The following TMEM131L variants were observed in gnomAD, a reference collection of about 807,000 sequenced individuals.
TMEM131L encodes the protein transmembrane 131 like.
TMEM131L carries 54 observed loss-of-function variants against 192.2 expected under a neutral mutation model. That is an observed-to-expected ratio of 0.28 (90% CI 0.23 to 0.35). The LOEUF (loss-of-function observed/expected upper bound fraction) is 0.35. Among genes scored for constraint, TMEM131L ranks in the 10% least tolerant of loss-of-function variants. TMEM131L has a pLI of 1.00. For missense variants in TMEM131L, 1,888 were observed against 1,972.9 expected (o/e 0.96, Z 0.82); for synonymous variants, 701 against 704.9 (o/e 0.99, Z 0.09).
chr4:153,509,365 CAA>C (rs35715077), intron 3 of TMEM131L, among the ~76,000 whole-genome samples: 38 of 136,008 alleles, frequency 2.8e-4, no homozygotes, highest in African/African-American at 5.2e-4. Context: ...GACCCTGTCT[CAA>C]AAAAAAAAAA....
Position 153,621,816 on chromosome 4 carries a change from G to A in TMEM131L, c.3826G>A (p.Ala1276Thr). The change falls in exon 28 of 35, where the codon GCA (alanine) becomes ACA (threonine). Residue 1276 changes from alanine (A) to threonine (T), a missense_variant. Ala to Thr is a moderately conservative substitution (Grantham distance 58). Transcript: ENST00000409959. ...REVCKADAEI[A>T]SSLPAAQREA... The stretch of plus-strand genomic sequence containing the variant: ...GGTTTGTAAAGCAGATGCCGAAATT[G>A]CAAGCAGTTTACCTGCTGCCCAGAG... 1 of 1,614,182 alleles carries A rather than the reference G, an allele frequency of 6.2e-7. No individual in the cohort carries two copies. Among genetic ancestry groups the A allele is most frequent in the Non-Finnish European group, 8.5e-7 (1 of 1,180,026 alleles).
rs191722556 is a variant in TMEM131L at position 153,466,810 on chromosome 4, C to T, written c.124+289C>T. ...GCGGGCCCCTGCGCCCCGGGCGCAG[C>T]CCCCGCTTTGTGTGGCGCGCGCGGG... On this transcript the variant is annotated intron_variant, in intron 1 of 34. Coordinates refer to ENST00000409959, the MANE Select transcript of TMEM131L (RefSeq NM_001131007.2). Among the ~76,000 whole-genome samples, 998 of 152,258 alleles carry T rather than the reference C, an allele frequency of 6.6e-3. 12 individuals carry two copies. Among genetic ancestry groups the T allele is most frequent in the African/African-American group, 0.023 (936 of 41,574 alleles).
intron 3 of TMEM131L, among the ~76,000 whole-genome samples, chr4:153,512,646 G>T (rs946077693): frequency 7.2e-5 from 11 of 152,026 alleles, no homozygotes; most frequent in African/African-American, 2.7e-4. Context: ...ACAGAGTCTT[G>T]CTCTGTCGCC....
At chr4:153,634,081 A>T (rs1023931468) in intron 32 of TMEM131L, 111 bp from the exon 33 acceptor site, 2 of 886,738 alleles carry the variant, frequency 2.3e-6, no homozygotes, top group Non-Finnish European at 1.9e-6. Flanking sequence ...ATTTTCCAAA[A>T]TTGGGGAATT....
At chr4:153,506,695 T>C (rs954526756) in intron 3 of TMEM131L, among the ~76,000 whole-genome samples, 3 of 151,528 alleles carry the variant, frequency 2.0e-5, no homozygotes, top group Non-Finnish European at 4.4e-5. Context: ...TACAAAAAAT[T>C]AGCCAGGCCT....
intron 3 of TMEM131L, among the ~76,000 whole-genome samples, chr4:153,474,853 G>A (rs1468023361): frequency 6.6e-6 from 1 of 152,098 alleles, no homozygotes; most frequent in Non-Finnish European, 1.5e-5. Flanking sequence ...ACCGCACTCG[G>A]TCCTGTGAAT....
chr4:153,505,214 C>G (rs1446956332), intron 3 of TMEM131L, among the ~76,000 whole-genome samples: 1 of 151,360 alleles, frequency 6.6e-6, no homozygotes, highest in African/African-American at 2.4e-5. Context: ...TCAAGTGATT[C>G]TCCTGCCTCA....
At chr4:153,632,967 TG>T in intron 32 of TMEM131L, 129 bp downstream of exon 32, 1 of 1,033,682 alleles carries the variant, frequency 9.7e-7, no homozygotes, top group Non-Finnish European at 1.4e-6. Flanking sequence ...ACTTTAGCTG[TG>T]CGTTTCCTTC....
At chr4:153,500,051 C>T (rs137948966) in intron 3 of TMEM131L, among the ~76,000 whole-genome samples, 125 of 150,260 alleles carry the variant, frequency 8.3e-4, no homozygotes, top group African/African-American at 2.8e-3. Context: ...CTCCCTTCCT[C>T]CCTTCCGTTC....
intron 26 of TMEM131L, among the ~76,000 whole-genome samples, chr4:153,614,551 T>G (rs764639857): frequency 1.3e-5 from 2 of 152,146 alleles, no homozygotes; most frequent in Non-Finnish European, 2.9e-5. Flanking sequence ...GGTTAACAAA[T>G]TGAAAGCAAC....
At chr4:153,597,177 G>C (rs545818002) in intron 20 of TMEM131L, among the ~76,000 whole-genome samples, 2 of 152,004 alleles carry the variant, frequency 1.3e-5, no homozygotes, top group South Asian at 4.2e-4. Flanking sequence ...AAGTTCTTCA[G>C]AGTTTATTCA....
chr4:153,514,556 C>G (rs1734580599), intron 3 of TMEM131L, among the ~76,000 whole-genome samples: 1 of 152,136 alleles, frequency 6.6e-6, no homozygotes. Flanking sequence ...CAAATGGCAT[C>G]TCATTTAATC....
chr4:153,471,682 C>G (rs538787857), intron 2 of TMEM131L, among the ~76,000 whole-genome samples: 1 of 152,250 alleles, frequency 6.6e-6, no homozygotes, highest in Admixed American at 6.5e-5. Flanking sequence ...GTTTGGGAAC[C>G]AGGGACAGGT....
intron 4 of TMEM131L, among the ~76,000 whole-genome samples, chr4:153,550,690 G>A (rs1737554649): frequency 6.7e-6 from 1 of 149,480 alleles, no homozygotes; most frequent in Non-Finnish European, 1.5e-5. Flanking sequence ...ATAAGTCAAT[G>A]TTGTTTTTCC....
At chr4:153,474,623 C>A (rs1382870756) in intron 3 of TMEM131L, among the ~76,000 whole-genome samples, 1 of 152,030 alleles carries the variant, frequency 6.6e-6, no homozygotes, top group East Asian at 1.9e-4. Flanking sequence ...TGGTATGATC[C>A]TGGTTCACTG....
chr4:153,489,595 G>A (rs1580054950), intron 3 of TMEM131L, among the ~76,000 whole-genome samples: 1 of 151,904 alleles, frequency 6.6e-6, no homozygotes, highest in African/African-American at 2.4e-5. Flanking sequence ...CTCCTGCCTC[G>A]GCCCCCTGAG....
chr4:153,481,805 T>C (rs145916335), intron 3 of TMEM131L, among the ~76,000 whole-genome samples: 1 of 152,312 alleles, frequency 6.6e-6, no homozygotes, highest in Non-Finnish European at 1.5e-5. Context: ...CACAAAGTGC[T>C]GGGATTACAG....
intron 3 of TMEM131L, among the ~76,000 whole-genome samples, chr4:153,529,588 G>A (rs898099085): frequency 1.3e-5 from 2 of 152,160 alleles, no homozygotes; most frequent in Non-Finnish European, 2.9e-5. Context: ...CTTAATGCAA[G>A]CACAAATATA....
intron 3 of TMEM131L, among the ~76,000 whole-genome samples, chr4:153,486,701 C>T (rs1732358299): frequency 6.6e-6 from 1 of 152,226 alleles, no homozygotes; most frequent in African/African-American, 2.4e-5. Context: ...GCTACTTTCT[C>T]AGAAGTACTC....
Sources: allele counts gnomAD v4.1 joint callset (sites outside exome capture counted in the v4.1 genomes callset), GRCh38; gene constraint gnomAD v4.1.1; transcripts MANE v1.5; gene names NCBI Gene and HGNC (gene_info 2026-07-23, HGNC 2026-07-21).